The following PCLO variants were observed in gnomAD, a reference collection of about 807,000 sequenced individuals.
PCLO encodes piccolo presynaptic cytomatrix protein.
A neutral mutation model predicts 427.5 loss-of-function variants in PCLO; 82 were observed. The observed-to-expected ratio is 0.19, with a 90% CI of 0.16 to 0.23. The LOEUF (loss-of-function observed/expected upper bound fraction) is 0.23. Among genes scored for constraint, PCLO ranks in the 10% least tolerant of loss-of-function variants. The pLI, the probability that PCLO is intolerant of heterozygous loss-of-function variation, is 1.00. For missense variants in PCLO, 6,239 were observed against 6,115.9 expected (o/e 1.02, Z -0.67); for synonymous variants, 2,357 against 2,155.4 (o/e 1.09, Z -2.59).
In PCLO at chr7:83,053,588, C is replaced by T. The variant is rs139571830; in HGVS notation, c.3300+80662G>A. 2.6e-3 allele frequency among the ~76,000 whole-genome samples: 401 copies of T among 151,988 alleles called. 2 individuals are homozygous for T. The highest frequency in any genetic ancestry group is 9.3e-3 in the African/African-American group (387 of 41,538). ...TTAATGCAGAGACTACTTTGGTAAGCTCCCTTAAACAAAGAGAAAGTAAAA... is the reference window on the plus strand; with the variant it reads ...TTAATGCAGAGACTACTTTGGTAAGTTCCCTTAAACAAAGAGAAAGTAAAA... On this transcript the variant is annotated intron_variant, in intron 3 of 24. Transcript: ENST00000333891.
intron 10 of PCLO, among the ~76,000 whole-genome samples, chr7:82,859,484 A>G (rs1302587165): frequency 1.3e-5 from 2 of 152,230 alleles, no homozygotes; most frequent in Non-Finnish European, 2.9e-5. Context: ...GAATTCTCCC[A>G]GATCTTGTGC....
Position 82,842,221 on chromosome 7 carries a change from C to A in PCLO, c.14047-712G>T, listed in dbSNP as rs550487452. Among the ~76,000 whole-genome samples the A allele has an allele frequency of 2.0e-5, 3 of 152,114 alleles. No individual in the cohort carries two copies. The South Asian group carries it at 6.2e-4, about 32-fold the overall frequency. On this transcript the variant is annotated intron_variant, in intron 13 of 24. Transcript: ENST00000333891. ...ATATGGAATGGAACACAATAGACAA[C>A]CCCCAAATAAATACATTCATTTACA...
intron 3 of PCLO, among the ~76,000 whole-genome samples, chr7:83,071,884 T>C (rs981208052): frequency 2.0e-5 from 3 of 152,158 alleles, no homozygotes; most frequent in African/African-American, 7.2e-5. Context: ...TATCTGACTT[T>C]AGAGTACAAT....
chr7:83,133,485 T>G, intron 3 of PCLO, among the ~76,000 whole-genome samples: 1 of 152,158 alleles, frequency 6.6e-6, no homozygotes, highest in Admixed American at 6.5e-5. Context: ...CTTTTATAAC[T>G]ATATTAGAAA....
intron 3 of PCLO, among the ~76,000 whole-genome samples, chr7:83,130,174 C>T (rs559666526): frequency 2.0e-5 from 3 of 152,006 alleles, no homozygotes; most frequent in East Asian, 3.9e-4. Context: ...TTATTTGAGA[C>T]GAAGTCTCCC....
intron 10 of PCLO, among the ~76,000 whole-genome samples, chr7:82,852,539 A>T (rs1307202037): frequency 1.3e-5 from 2 of 152,112 alleles, no homozygotes; most frequent in Non-Finnish European, 2.9e-5. Flanking sequence ...TTGGATGTAC[A>T]CCAGTGGTTT....
intron 22 of PCLO, among the ~76,000 whole-genome samples, chr7:82,799,619 T>C (rs1791300325): frequency 6.6e-6 from 1 of 152,094 alleles, no homozygotes; most frequent in Admixed American, 6.6e-5. Context: ...CCCTGTACAG[T>C]TTTCCAGACC....
In PCLO at chr7:82,951,439, C is replaced by T. The variant is rs773029020; in HGVS notation, c.9149G>A (p.Arg3050Gln). 138 of 1,590,128 alleles carry T rather than the reference C, an allele frequency of 8.7e-5. No individual in the cohort carries two copies. The highest frequency in any genetic ancestry group is 1.0e-4 in the Non-Finnish European group (119 of 1,167,254). ...SKTTGPYPET[R>Q]QVISGAGIST... Reference sequence around the variant, plus strand: ...AATCCCAGCTCCTGAAATGACTTGTCGTGTTTCTGGATATGGACCTGTAGT... The same window carrying T: ...AATCCCAGCTCCTGAAATGACTTGTTGTGTTTCTGGATATGGACCTGTAGT... The change falls in exon 6 of 25, where the codon CGA (arginine) becomes CAA (glutamine). Residue 3050 changes from arginine to glutamine, a missense_variant. Arg to Gln is a conservative substitution (Grantham distance 43). Coordinates refer to ENST00000333891, the MANE Select transcript of PCLO (RefSeq NM_033026.6).
At position 82,952,523 on chromosome 7, in the gene PCLO, T is replaced by C; in HGVS notation, c.8430A>G (p.Thr2810=). ...CTASASYTTG[T]ESLVGAEHAM... ...CATGTTCTGCACCCACTAGGCTTTC[T>C]GTGCCTGTAGTGTAACTTGCACTAG... Residue 2810 remains threonine, a synonymous_variant, in exon 5 of 25, where the codon ACA becomes ACG. Transcript: ENST00000333891. The C allele has an allele frequency of 6.2e-7, 1 of 1,613,978 alleles. No individual in the cohort carries two copies. Among genetic ancestry groups the C allele is most frequent in the South Asian group, 1.1e-5 (1 of 91,084 alleles).
At position 82,891,981 on chromosome 7, in the gene PCLO, T is replaced by C. The variant is rs10278742; in HGVS notation, c.13528+10670A>G. Among the ~76,000 whole-genome samples, 492 of 152,162 alleles carry C rather than the reference T, an allele frequency of 3.2e-3. 2 individuals are homozygous for C. The highest frequency in any genetic ancestry group is 0.011 in the African/African-American group (473 of 41,546). The stretch of plus-strand genomic sequence containing the variant: ...GCTCATGGGTAGGAAGAATCAATAT[T>C]GTGAAAATGGCCACACTGCCCAAGG... On this transcript the variant is annotated intron_variant, in intron 9 of 24. Coordinates refer to ENST00000333891, the MANE Select transcript of PCLO (RefSeq NM_033026.6).
rs1247210696 is a variant in PCLO at position 82,994,702 on chromosome 7, T to C, written c.3301-28215A>G. 2.0e-5 allele frequency among the ~76,000 whole-genome samples: 3 copies of C among 151,816 alleles called. No individual in the cohort carries two copies. In the Admixed American group the frequency reaches 2.0e-4, roughly 10 times the overall value. ...AATCACATCATGGGAAATGGGATTA[T>C]CCAACCCCTCACAGATAACCATTTT... is the stretch of plus-strand genomic sequence containing the variant. On this transcript the variant is annotated intron_variant, in intron 3 of 24. Transcript: ENST00000333891.
At chr7:82,816,440 C>T (rs1232326021) in intron 20 of PCLO, among the ~76,000 whole-genome samples, 1 of 152,038 alleles carries the variant, frequency 6.6e-6, no homozygotes, top group African/African-American at 2.4e-5. Context: ...TCTCATTGCC[C>T]TCCCCCATCA....
At chr7:82,760,251 A>G (rs78445721) in intron 24 of PCLO, among the ~76,000 whole-genome samples, 3,627 of 152,092 alleles carry the variant, frequency 0.024, 165 homozygotes, top group African/African-American at 0.083. Context: ...TAAACTAACC[A>G]GGGTTTTAAA....
intron 3 of PCLO, among the ~76,000 whole-genome samples, chr7:83,077,021 G>T (rs957599439): frequency 9.3e-5 from 14 of 149,982 alleles, no homozygotes; most frequent in African/African-American, 2.4e-4. Context: ...AAAATGCATT[G>T]ATATATATAT....
intron 3 of PCLO, among the ~76,000 whole-genome samples, chr7:83,084,546 C>T (rs7788435): frequency 0.49 from 74,227 of 151,760 alleles, 18,272 homozygotes; most frequent in African/African-American, 0.51. Context: ...TATAGGTAGC[C>T]AGAATTAAGC....
At chr7:82,765,820 T>A (rs1469414817) in intron 22 of PCLO, among the ~76,000 whole-genome samples, 1 of 151,858 alleles carries the variant, frequency 6.6e-6, no homozygotes, top group Non-Finnish European at 1.5e-5. Flanking sequence ...AAATAAAGGA[T>A]CTCTAAAATA....
intron 3 of PCLO, among the ~76,000 whole-genome samples, chr7:83,057,898 T>C (rs2116300287): frequency 6.6e-6 from 1 of 152,256 alleles, no homozygotes; most frequent in East Asian, 1.9e-4. Context: ...ATCAGCTAAT[T>C]TGGTTCCTAA....
At chr7:82,877,308 A>G (rs551906290) in intron 10 of PCLO, among the ~76,000 whole-genome samples, 1 of 152,156 alleles carries the variant, frequency 6.6e-6, no homozygotes, top group South Asian at 2.1e-4. Flanking sequence ...ACGGTATTTT[A>G]TTTATAAATT....
chr7:83,032,364 A>T (rs75804480), intron 3 of PCLO, among the ~76,000 whole-genome samples: 1,845 of 150,302 alleles, frequency 0.012, 35 homozygotes, highest in African/African-American at 0.043. Context: ...ATACATTTTC[A>T]TTCTCCATTC....
Sources: allele counts gnomAD v4.1 joint callset (sites outside exome capture counted in the v4.1 genomes callset), GRCh38; gene constraint gnomAD v4.1.1; transcripts MANE v1.5; gene names NCBI Gene and HGNC (gene_info 2026-07-23, HGNC 2026-07-21).